Variants in PAQR5 observed in about 807,000 individuals in gnomAD.
The protein encoded by PAQR5 is progestin and adipoQ receptor family member 5, also known as membrane progestin receptor gamma.
A neutral mutation model predicts 34.5 loss-of-function variants in PAQR5; 20 were observed. The observed-to-expected ratio is 0.58, with a 90% CI of 0.41 to 0.84. The LOEUF (loss-of-function observed/expected upper bound fraction) is 0.84. Ranked by LOEUF, PAQR5 falls within the 40% of genes least tolerant of loss-of-function variation. The pLI is 0.00. For missense variants in PAQR5, 378 were observed against 412.7 expected (o/e 0.92, Z 0.73); for synonymous variants, 131 against 155.6 (o/e 0.84, Z 1.18).
chr15:69,343,268 G>C (rs957178491), intron 2 of PAQR5, among the ~76,000 whole-genome samples: 3 of 152,212 alleles, frequency 2.0e-5, no homozygotes, highest in African/African-American at 7.2e-5. Flanking sequence ...CATCACAGCT[G>C]GGTGTATCCA....
chr15:69,299,581 G>A (rs983425683), intron 1 of PAQR5, among the ~76,000 whole-genome samples: 9 of 152,192 alleles, frequency 5.9e-5, no homozygotes, highest in African/African-American at 2.2e-4. Flanking sequence ...GTTGAAGTGG[G>A]TGCCCAGCTA....
chr15:69,336,698 G>C (rs1398133838), intron 1 of PAQR5, among the ~76,000 whole-genome samples: 1 of 152,174 alleles, frequency 6.6e-6, no homozygotes, highest in Non-Finnish European at 1.5e-5. Context: ...TAACTCTGGA[G>C]ATTGTGACTT....
rs59483245 is a variant in PAQR5, at chr15:69,346,621, A to ATT, written c.-116+9136_-116+9137dup. On this transcript the variant is annotated intron_variant, in intron 2 of 8. Coordinates refer to ENST00000395407, the MANE Select transcript of PAQR5 (RefSeq NM_017705.4). The stretch of plus-strand genomic sequence containing the variant: ...GCGTGAGCTACCACGTCCAGCTGCA[A>ATT]TTTTTTTTTTTTTTTTTGAGTACAC... Among the ~76,000 whole-genome samples, 78 of 132,538 alleles carry ATT rather than the reference A, an allele frequency of 5.9e-4. 1 individual carries two copies. Among genetic ancestry groups the ATT allele is most frequent in the African/African-American group, 1.9e-3 (68 of 35,808 alleles). The allele number at this position is 132,538 out of a possible 152,430, so 87.0% of individuals were successfully genotyped here.
chr15:69,380,996 G>T (rs187629906), intron 4 of PAQR5, among the ~76,000 whole-genome samples: 14 of 152,316 alleles, frequency 9.2e-5, no homozygotes, highest in Admixed American at 2.0e-4. Context: ...AAATGCAGGG[G>T]CAGGCTGTTT....
chr15:69,364,467 T>TATTATATATGTTATATATATAC (rs1555419523), intron 3 of PAQR5, among the ~76,000 whole-genome samples: 11 of 122,268 alleles, frequency 9.0e-5, no homozygotes, highest in African/African-American at 4.1e-4. Context: ...ATGTAATATA[T>TATTATATATGTTATATATATAC]ATTATATATG....
At chr15:69,344,091 C>T (rs2054707022) in intron 2 of PAQR5, among the ~76,000 whole-genome samples, 1 of 152,174 alleles carries the variant, frequency 6.6e-6, no homozygotes, top group Non-Finnish European at 1.5e-5. Context: ...GCCTTGGCCT[C>T]CCAAATTGCT....
intron 1 of PAQR5, among the ~76,000 whole-genome samples, chr15:69,301,715 G>A (rs7169919): frequency 0.47 from 71,621 of 151,790 alleles, 19,288 homozygotes; most frequent in Middle Eastern, 0.61. Flanking sequence ...TATTAGCCTG[G>A]CCTCCCTGGT....
At chr15:69,368,331 G>C (rs1317370358) in intron 3 of PAQR5, among the ~76,000 whole-genome samples, 2 of 152,240 alleles carry the variant, frequency 1.3e-5, no homozygotes, top group African/African-American at 2.4e-5. Flanking sequence ...GGGATTACAG[G>C]CATGAGCCAC....
chr15:69,363,358 G>T (rs953740163), intron 3 of PAQR5, among the ~76,000 whole-genome samples: 5 of 152,012 alleles, frequency 3.3e-5, no homozygotes, highest in Non-Finnish European at 7.4e-5. Context: ...ACATCAGAGG[G>T]TCATTAAAGA....
At chr15:69,392,545 A>G (rs1009884722) in intron 6 of PAQR5, among the ~76,000 whole-genome samples, 2 of 151,952 alleles carry the variant, frequency 1.3e-5, no homozygotes, top group Non-Finnish European at 2.9e-5. Context: ...TGCCTGCCAT[A>G]CTCCAGGTAC....
intron 2 of PAQR5, among the ~76,000 whole-genome samples, chr15:69,339,814 A>G (rs1055762855): frequency 6.6e-6 from 1 of 151,442 alleles, no homozygotes; most frequent in African/African-American, 2.4e-5. Flanking sequence ...GTGTGACTCT[A>G]GGTGGAAAAA....
intron 8 of PAQR5, among the ~76,000 whole-genome samples, chr15:69,403,172 T>C (rs2056687319): frequency 6.6e-6 from 1 of 152,252 alleles, no homozygotes; most frequent in Non-Finnish European, 1.5e-5. Flanking sequence ...TAAGTTGTTT[T>C]AAAAAAGAAT....
chr15:69,337,094 G>A (rs183341452), intron 1 of PAQR5, among the ~76,000 whole-genome samples: 7 of 152,300 alleles, frequency 4.6e-5, no homozygotes, highest in East Asian at 1.9e-4. Flanking sequence ...TAGGACTCTC[G>A]TGGAGAGCTG....
rs1414493039 is a variant in PAQR5 at position 69,407,630 on chromosome 15, TTTA to T, written c.*3813_*3815del. On this transcript the variant is annotated 3_prime_UTR_variant, in exon 9 of 9. Coordinates refer to ENST00000395407, the MANE Select transcript of PAQR5 (RefSeq NM_017705.4). ...GAGAGAAAAAAATAAACAGAATTTATTTATTATCATAAAGTCATCCTGTTTGCC... is the reference window on the plus strand; with the variant it reads ...GAGAGAAAAAAATAAACAGAATTTATTTATCATAAAGTCATCCTGTTTGCC... 1 of 152,230 alleles carries T rather than the reference TTTA, an allele frequency of 6.6e-6. No homozygotes were observed. The highest frequency in any genetic ancestry group is 6.5e-5 in the Admixed American group (1 of 15,284). The allele number at this position is 152,230 out of a possible 1,614,324, so 9.4% of individuals were successfully genotyped here. A position where few individuals can be genotyped will look rare whatever the true frequency, so the allele number is the denominator to read the frequency against.
chr15:69,319,140 T>A (rs867387496), intron 1 of PAQR5, among the ~76,000 whole-genome samples: 34 of 129,898 alleles, frequency 2.6e-4, no homozygotes, highest in Middle Eastern at 4.1e-3. Context: ...TTTCAAAAAA[T>A]ATATATATAA....
At chr15:69,357,445 G>A (rs1186717112) in intron 2 of PAQR5, among the ~76,000 whole-genome samples, 1 of 133,250 alleles carries the variant, frequency 7.5e-6, no homozygotes, top group African/African-American at 2.7e-5. Context: ...TGTATTTTTA[G>A]TAGAGACGGG....
chr15:69,378,497 A>T (rs1465539153), intron 3 of PAQR5, among the ~76,000 whole-genome samples: 2 of 149,534 alleles, frequency 1.3e-5, no homozygotes, highest in Admixed American at 6.7e-5. Context: ...TATATATTGT[A>T]CATTTTTTTA....
Position 69,322,811 on chromosome 15 carries a change from G to GGAAGAAGAAGAAGAAGAAGAA in PAQR5, c.-276-14524_-276-14504dup, listed in dbSNP as rs1360531654. On this transcript the variant is annotated intron_variant, in intron 1 of 8. Transcript: ENST00000395407. ...ACGAGGAAGAAGAAGAAGAGGAAGA[G>GGAAGAAGAAGAAGAAGAAGAA]GAAGAAGAAGAAGAAGAAGAAGAAG... Among the ~76,000 whole-genome samples, 9 of 25,366 alleles carry GGAAGAAGAAGAAGAAGAAGAA rather than the reference G, an allele frequency of 3.5e-4. 2 individuals are homozygous for GGAAGAAGAAGAAGAAGAAGAA. Among genetic ancestry groups the GGAAGAAGAAGAAGAAGAAGAA allele is most frequent in the African/African-American group, 6.5e-4 (7 of 10,834 alleles). 16.6% of individuals were successfully genotyped at this position (25,366 alleles called of 152,430 possible). A position where few individuals can be genotyped will look rare whatever the true frequency, so the allele number is the denominator to read the frequency against.
At chr15:69,348,149 G>C (rs1374957071) in intron 2 of PAQR5, among the ~76,000 whole-genome samples, 1 of 151,344 alleles carries the variant, frequency 6.6e-6, no homozygotes, top group Non-Finnish European at 1.5e-5. Flanking sequence ...TCTCGGGCAA[G>C]GTCCCTAACT....
Sources: allele counts gnomAD v4.1 joint callset (sites outside exome capture counted in the v4.1 genomes callset), GRCh38; gene constraint gnomAD v4.1.1; transcripts MANE v1.5; gene names NCBI Gene and HGNC (gene_info 2026-07-23, HGNC 2026-07-21).